CDH17: variants seen among roughly 807,000 people sequenced by gnomAD.
CDH17 encodes the protein cadherin-17.
Under a neutral mutation model 86.3 loss-of-function variants are expected in CDH17, and 67 were observed. The observed-to-expected ratio is 0.78, with a 90% CI of 0.64 to 0.95. The LOEUF is 0.95. CDH17 is among the 40% of genes least tolerant of loss of function. The pLI is 0.00. For missense variants in CDH17, 993 were observed against 1,017.6 expected, an observed-to-expected ratio of 0.98 and a Z score of 0.33; for synonymous variants, 367 against 366.4, an observed-to-expected ratio of 1.00 and a Z score of -0.02.
rs749081895 is a variant in CDH17, at chr8:94,177,712, T to G, written c.160A>C (p.Asn54His). 1 of 1,613,704 alleles carries G rather than the reference T, an allele frequency of 6.2e-7. No individual in the cohort carries two copies. The highest frequency in any genetic ancestry group is 8.5e-7 in the Non-Finnish European group (1 of 1,179,758). The change falls in exon 4 of 18, where the codon AAT becomes CAT. Residue 54 changes from asparagine to histidine, a missense_variant. By Grantham distance (68) the Asn-to-His change is moderately conservative (BLOSUM62 1). Transcript: ENST00000027335. ...AGTTCAAAAGTCACAGCAGGAGGAT[T>G]GGCCTTAAACTGGGGAAAAAGCAAA... is the stretch of plus-strand genomic sequence containing the variant. ...PSQIIFQFKA[N>H]PPAVTFELTG...
chr8:94,155,709 C>G (rs1812933303), intron 12 of CDH17, among the ~76,000 whole-genome samples: 2 of 152,178 alleles, frequency 1.3e-5, no homozygotes, highest in Admixed American at 1.3e-4. Flanking sequence ...CCTTGACTAA[C>G]AAGGTCAGAT....
intron 1 of CDH17, among the ~76,000 whole-genome samples, chr8:94,203,509 T>C (rs1350546462): frequency 6.6e-5 from 10 of 152,194 alleles, no homozygotes; most frequent in Admixed American, 5.9e-4. Context: ...CAAGGCCAGA[T>C]AGATATAAAG....
chr8:94,146,586 T>C (rs1812749617), intron 14 of CDH17, among the ~76,000 whole-genome samples: 1 of 152,222 alleles, frequency 6.6e-6, no homozygotes, highest in African/African-American at 2.4e-5. Flanking sequence ...TGAGTGAATG[T>C]TCTGGAAAAT....
intron 12 of CDH17, among the ~76,000 whole-genome samples, chr8:94,152,553 A>G (rs1257066991): frequency 6.6e-6 from 1 of 152,158 alleles, no homozygotes; most frequent in African/African-American, 2.4e-5. Context: ...ACCCACCACC[A>G]CACCCAGCTA....
intron 9 of CDH17, among the ~76,000 whole-genome samples, chr8:94,170,015 G>A (rs1813236555): frequency 6.6e-6 from 1 of 152,130 alleles, no homozygotes; most frequent in Admixed American, 6.5e-5. Flanking sequence ...TTTGGCAAAT[G>A]TGATGAGATT....
chr8:94,177,734 C>T lies in CDH17; in HGVS notation c.151-13G>A. The T allele has an allele frequency of 6.2e-7, 1 of 1,603,776 alleles. No homozygotes were observed. Among genetic ancestry groups the T allele is most frequent in the African/African-American group, 1.4e-5 (1 of 74,020 alleles). On this transcript the variant is annotated splice_polypyrimidine_tract_variant and intron_variant, in intron 3 of 17. Transcript: ENST00000027335. ...GATTGGCCTTAAACTGGGGAAAAAG[C>T]AAAAAACAGATTAAGTTGTAAGGGA...
At chr8:94,205,031 T>C (rs1813997797) in intron 1 of CDH17, among the ~76,000 whole-genome samples, 1 of 152,192 alleles carries the variant, frequency 6.6e-6, no homozygotes, top group Non-Finnish European at 1.5e-5. Flanking sequence ...TATAAATAAC[T>C]CCCACATGCT....
chr8:94,130,941 T>C lies in CDH17; in HGVS notation c.2219A>G (p.Tyr740Cys). 1 of 1,611,598 alleles carries C rather than the reference T, an allele frequency of 6.2e-7. No individual in the cohort carries two copies. The highest frequency in any genetic ancestry group is 8.5e-7 in the Non-Finnish European group (1 of 1,177,822). Residue 740 changes from tyrosine (Y) to cysteine (C), a missense_variant, in exon 16 of 18, where the codon TAT becomes TGT. Coordinates refer to ENST00000027335, the MANE Select transcript of CDH17 (RefSeq NM_004063.4). ...ATCATTGATGCGGATCAAGACGACA[T>C]ACTCCCTCTCCTCAAACTCTGTGTG... ...TRHTEFEERE[Y>C]VVLIRINDGG...
At chr8:94,175,876 A>G (rs891526924) in intron 5 of CDH17, among the ~76,000 whole-genome samples, 9 of 152,254 alleles carry the variant, frequency 5.9e-5, no homozygotes, top group Admixed American at 3.3e-4. Flanking sequence ...AGATCACCCT[A>G]GAAAAGCGTT....
At chr8:94,181,610 C>A (rs1813488973) in intron 3 of CDH17, among the ~76,000 whole-genome samples, 1 of 150,982 alleles carries the variant, frequency 6.6e-6, no homozygotes, top group Non-Finnish European at 1.5e-5. Context: ...CACAGCATGC[C>A]AAATCTTATG....
At chr8:94,200,537 GTTTTT>G (rs10600702) in intron 1 of CDH17, among the ~76,000 whole-genome samples, 2 of 56,914 alleles carry the variant, frequency 3.5e-5, no homozygotes, top group Non-Finnish European at 2.9e-5. Flanking sequence ...ATTATCTTTT[GTTTTT>G]TTTTTTTTTT....
intron 13 of CDH17, 109 bp from the exon 14 acceptor site, chr8:94,148,983 AAAT>A (rs974074079): frequency 3.0e-5 from 24 of 800,278 alleles, no homozygotes; most frequent in Middle Eastern, 4.7e-4. Flanking sequence ...AATATGTTGT[AAAT>A]AATATACAAA....
Position 94,152,034 on chromosome 8 carries a change from T to TCA in CDH17, c.1628_1629dup (p.Lys544Ter). The stretch of plus-strand genomic sequence containing the variant: ...TTGGCAAAAGAACTTGCATTGTACT[T>TCA]CACACCAAACACTAGAGGCTCAGGA... On this transcript the variant is annotated frameshift_variant, in exon 13 of 18. Coordinates refer to ENST00000027335, the MANE Select transcript of CDH17 (RefSeq NM_004063.4). LOFTEE classifies it high-confidence loss of function. 1 of 1,614,208 alleles carries TCA rather than the reference T, an allele frequency of 6.2e-7. No homozygotes were observed. The highest frequency in any genetic ancestry group is 8.5e-7 in the Non-Finnish European group (1 of 1,180,026).
At chr8:94,177,103 T>A (rs1259495639) in intron 4 of CDH17, among the ~76,000 whole-genome samples, 1 of 152,192 alleles carries the variant, frequency 6.6e-6, no homozygotes, top group African/African-American at 2.4e-5. Context: ...GGTATTCAGA[T>A]ACCAACGGTG....
chr8:94,144,817 T>C (rs765148558), intron 15 of CDH17, among the ~76,000 whole-genome samples: 1 of 152,162 alleles, frequency 6.6e-6, no homozygotes, highest in Non-Finnish European at 1.5e-5. Context: ...AACTCAGCAA[T>C]AGAATCCAAA....
At chr8:94,149,056 A>T (rs1563569803) in intron 13 of CDH17, among the ~76,000 whole-genome samples, 182 bp from the exon 14 acceptor site, 1 of 152,140 alleles carries the variant, frequency 6.6e-6, no homozygotes, top group African/African-American at 2.4e-5. Flanking sequence ...ACATATTTAA[A>T]GGATCTATTA....
At chr8:94,174,057 CTT>C (rs1280036557) in intron 6 of CDH17, 43 bp downstream of exon 6, 20 of 1,610,438 alleles carry the variant, frequency 1.2e-5, no homozygotes, top group Non-Finnish European at 1.6e-5. Context: ...ACCAAACTCC[CTT>C]TTTCTGATCG....
At chr8:94,145,859 C>T (rs1465578085) in intron 15 of CDH17, 69 bp downstream of exon 15, 4 of 1,519,922 alleles carry the variant, frequency 2.6e-6, no homozygotes, top group African/African-American at 2.8e-5. Flanking sequence ...ACAGCAAACC[C>T]ACCAAGTTAA....
chr8:94,177,742 A>C, intron 3 of CDH17, 21 bp from the exon 4 acceptor site: 1 of 1,611,782 alleles, frequency 6.2e-7, no homozygotes, highest in Non-Finnish European at 8.5e-7. Context: ...AGCAAAAAAC[A>C]GATTAAGTTG....
Sources: allele counts gnomAD v4.1 joint callset (sites outside exome capture counted in the v4.1 genomes callset), GRCh38; gene constraint gnomAD v4.1.1; transcripts MANE v1.5; gene names NCBI Gene and HGNC (gene_info 2026-07-23, HGNC 2026-07-21).